Variants in DLGAP2 observed in about 807,000 individuals in gnomAD.
DLGAP2 encodes the protein DLG associated protein 2, also known as disks large-associated protein 2.
In DLGAP2, 26 loss-of-function variants were observed where a neutral mutation model predicts 100.3. The observed-to-expected ratio is 0.26, with a 90% CI of 0.19 to 0.36. DLGAP2 has a LOEUF of 0.36. Ranked by LOEUF, DLGAP2 falls within the 10% of genes least tolerant of loss-of-function variation. The pLI is 1.00. For synonymous variants in DLGAP2, 886 were observed against 630.1 expected, an observed-to-expected ratio of 1.41 and a Z score of -6.08; for missense variants, 1,858 against 1,453.2, an observed-to-expected ratio of 1.28 and a Z score of -4.53.
intron 10 of DLGAP2, 37 bp downstream of exon 10, chr8:1,669,821 T>A (rs775375895): frequency 1.3e-6 from 1 of 780,798 alleles, no homozygotes; most frequent in Admixed American, 1.7e-5. Flanking sequence ...CGCGTCCGCA[T>A]GACTTTCATT....
At chr8:754,294 G>C (rs1413311038) in intron 1 of DLGAP2, 1 of 152,172 alleles carries the variant, frequency 6.6e-6, no homozygotes, top group Non-Finnish European at 1.5e-5. Flanking sequence ...CTGACACACG[G>C]TTCTGTTCCA....
intron 2 of DLGAP2, among the ~76,000 whole-genome samples, chr8:931,538 A>G (rs911756982): frequency 6.6e-6 from 1 of 152,182 alleles, no homozygotes; most frequent in Non-Finnish European, 1.5e-5. Context: ...AGGCACTGCC[A>G]CTTGTCATGA....
intron 3 of DLGAP2, among the ~76,000 whole-genome samples, chr8:1,362,756 C>T (rs1218818688): frequency 2.6e-5 from 4 of 152,374 alleles, no homozygotes; most frequent in East Asian, 3.9e-4. Context: ...CAAGCAACAG[C>T]GTCCATTTCT....
intron 6 of DLGAP2, among the ~76,000 whole-genome samples, chr8:1,592,018 C>T (rs186717177): frequency 8.0e-4 from 122 of 152,286 alleles, no homozygotes; most frequent in Admixed American, 3.7e-3. Context: ...TCCTGCCACA[C>T]GATTCTGCTG....
rs77843893 is a variant in DLGAP2 at position 1,694,333 on chromosome 8, G to A, written c.2796+2707G>A. ...ATGGTCCGCAGCGCAAAGTAGCACC[G>A]CTGTCTGCTGGAAGTTGTTGGTAGG... On this transcript the variant is annotated intron_variant, in intron 13 of 14. Coordinates refer to ENST00000637795, the MANE Select transcript of DLGAP2 (RefSeq NM_001346810.2). Among the ~76,000 whole-genome samples, 1,459 of 152,248 alleles carry A rather than the reference G, an allele frequency of 9.6e-3. 17 individuals are homozygous for A. Among genetic ancestry groups the A allele is most frequent in the East Asian group, 0.048 (249 of 5,182 alleles).
At chr8:887,671 T>A (rs536006767) in intron 1 of DLGAP2, among the ~76,000 whole-genome samples, 4 of 152,354 alleles carry the variant, frequency 2.6e-5, no homozygotes, top group Admixed American at 6.5e-5. Flanking sequence ...GATTGAAAAT[T>A]CCTTTCTTTA....
chr8:1,254,067 C>G (rs546950571), intron 2 of DLGAP2, among the ~76,000 whole-genome samples: 70 of 152,356 alleles, frequency 4.6e-4, no homozygotes, highest in African/African-American at 1.5e-3. Context: ...CTTCCAGTCC[C>G]TCCTGGGGGC....
chr8:1,285,468 C>G (rs528908837), intron 3 of DLGAP2, among the ~76,000 whole-genome samples: 1 of 152,094 alleles, frequency 6.6e-6, no homozygotes, highest in South Asian at 2.1e-4. Context: ...TAGAGCCTGT[C>G]CTGGAGATGA....
chr8:1,130,641 C>G (rs1399400408), intron 2 of DLGAP2, among the ~76,000 whole-genome samples: 1 of 152,250 alleles, frequency 6.6e-6, no homozygotes, highest in Non-Finnish European at 1.5e-5. Context: ...AAGCGTGGCA[C>G]GGACCAGAGG....
At chr8:777,741 C>G (rs1165405297) in intron 1 of DLGAP2, among the ~76,000 whole-genome samples, 2 of 152,096 alleles carry the variant, frequency 1.3e-5, no homozygotes, top group Admixed American at 1.3e-4. Flanking sequence ...GATGGGCTTC[C>G]CTTTGAGGGT....
intron 2 of DLGAP2, among the ~76,000 whole-genome samples, chr8:1,097,342 C>G (rs1419286996): frequency 8.5e-6 from 1 of 117,908 alleles, no homozygotes; most frequent in African/African-American, 3.3e-5. Context: ...ACCCCTCCAG[C>G]GTGAGACCCA....
intron 8 of DLGAP2, among the ~76,000 whole-genome samples, chr8:1,658,120 G>A (rs956125889): frequency 1.3e-5 from 2 of 152,036 alleles, no homozygotes; most frequent in Admixed American, 1.3e-4. Flanking sequence ...CAAAAAGACT[G>A]GCCCTCCCAC....
intron 1 of DLGAP2, among the ~76,000 whole-genome samples, chr8:786,385 G>A (rs1821867424): frequency 1.3e-5 from 2 of 152,154 alleles, no homozygotes. Context: ...GCATCTTCCG[G>A]GGACAGCCAC....
chr8:972,631 A>G (rs1031274769), intron 2 of DLGAP2, among the ~76,000 whole-genome samples: 4 of 149,818 alleles, frequency 2.7e-5, no homozygotes, highest in South Asian at 2.1e-4. Flanking sequence ...TTATTTATTT[A>G]TTTATTTATT....
At chr8:781,278 C>T (rs368781782) in intron 1 of DLGAP2, among the ~76,000 whole-genome samples, 3 of 152,136 alleles carry the variant, frequency 2.0e-5, no homozygotes, top group Admixed American at 6.5e-5. Flanking sequence ...AAAATTTTTG[C>T]TTATGTTTTC....
At chr8:1,472,219 G>A (rs1403389509) in intron 3 of DLGAP2, among the ~76,000 whole-genome samples, 6 of 152,164 alleles carry the variant, frequency 3.9e-5, no homozygotes, top group East Asian at 1.9e-4. Flanking sequence ...GATGCCTGCC[G>A]CCATGTTGGG....
At chr8:1,314,926 G>A (rs571980651) in intron 3 of DLGAP2, among the ~76,000 whole-genome samples, 2 of 152,286 alleles carry the variant, frequency 1.3e-5, no homozygotes, top group Admixed American at 1.3e-4. Context: ...GCTCCCATGT[G>A]CCCTACCGGG....
At chr8:1,198,599 G>C (rs1797803853) in intron 2 of DLGAP2, among the ~76,000 whole-genome samples, 1 of 152,176 alleles carries the variant, frequency 6.6e-6, no homozygotes, top group South Asian at 2.1e-4. Context: ...GCAGATGAGA[G>C]TGTGTGCTCT....
At chr8:1,505,676 A>C (rs1799884858) in intron 4 of DLGAP2, among the ~76,000 whole-genome samples, 1 of 152,266 alleles carries the variant, frequency 6.6e-6, no homozygotes, top group Admixed American at 6.5e-5. Flanking sequence ...TTCAAAACGA[A>C]TACCTTGAAA....
Sources: gnomAD v4.1 joint callset for allele counts (sites outside exome capture counted in the v4.1 genomes callset) on GRCh38, gnomAD v4.1.1 for gene constraint, MANE v1.5 for transcripts, NCBI Gene and HGNC (gene_info 2026-07-23, HGNC 2026-07-21) for gene names.